ABR: variants seen among roughly 807,000 people sequenced by gnomAD.
ABR encodes the protein ABR activator of RhoGEF and GTPase.
In ABR, 35 loss-of-function variants were observed where a neutral mutation model predicts 107.2. That is an observed-to-expected ratio of 0.33 (90% CI 0.25 to 0.43). The LOEUF (loss-of-function observed/expected upper bound fraction) is 0.43, where lower values mean the gene tolerates loss of function less well. Ranked by LOEUF, ABR falls within the 20% of genes least tolerant of loss-of-function variation. The probability of loss-of-function intolerance (pLI) is 1.00; values close to 1 mark genes in which losing one functional copy is unlikely to be tolerated. For missense variants in ABR, 815 were observed against 1,115.2 expected (o/e 0.73, Z 3.83); for synonymous variants, 498 against 462.0 (o/e 1.08, Z -1.00).
intron 1 of ABR, among the ~76,000 whole-genome samples, chr17:1,143,694 A>T (rs1410178572): frequency 1.3e-5 from 2 of 152,094 alleles, no homozygotes; most frequent in Non-Finnish European, 2.9e-5. Flanking sequence ...AGATCCTTGG[A>T]AGAGGGAGGC....
chr17:1,099,135 G>A (rs1486266097), intron 3 of ABR, among the ~76,000 whole-genome samples: 1 of 150,712 alleles, frequency 6.6e-6, no homozygotes, highest in Non-Finnish European at 1.5e-5. Context: ...GAGTACAGTG[G>A]CGCACTCTCA....
intron 1 of ABR, among the ~76,000 whole-genome samples, chr17:1,172,423 T>C (rs1221293116): frequency 6.6e-6 from 1 of 152,134 alleles, no homozygotes; most frequent in Non-Finnish European, 1.5e-5. Context: ...CAGCGTCATG[T>C]CCCCAACTGA....
At chr17:1,034,510 G>A (rs1167430157) in intron 16 of ABR, among the ~76,000 whole-genome samples, 1 of 152,194 alleles carries the variant, frequency 6.6e-6, no homozygotes, top group Non-Finnish European at 1.5e-5. Context: ...GAACAGGACA[G>A]ACAAAATGCC....
chr17:1,005,162 C>T lies in ABR; in HGVS notation c.*918G>A, dbSNP rs1014145795. The T allele has an allele frequency of 2.5e-6, 1 of 398,792 alleles. No homozygotes were observed. Among genetic ancestry groups the T allele is most frequent in the African/African-American group, 2.1e-5 (1 of 48,760 alleles). The allele number at this position is 398,792 out of a possible 1,614,324, so 24.7% of individuals were successfully genotyped here. A position where few individuals can be genotyped will look rare whatever the true frequency, so the allele number is the denominator to read the frequency against. On this transcript the variant is annotated 3_prime_UTR_variant, in exon 23 of 23. Transcript: ENST00000302538. ...CAGCCTGACCGCCTCCTCCCCCATTCTCTCCTGACCCTCTGGCTATCTCGA... is the reference window on the plus strand; with the variant it reads ...CAGCCTGACCGCCTCCTCCCCCATTTTCTCCTGACCCTCTGGCTATCTCGA...
chr17:1,160,455 A>G (rs1278528538), intron 1 of ABR, among the ~76,000 whole-genome samples: 1 of 152,230 alleles, frequency 6.6e-6, no homozygotes, highest in Admixed American at 6.5e-5. Flanking sequence ...TAACAGCTTC[A>G]TGCAACCAGC....
chr17:1,055,889 G>T lies in ABR; in HGVS notation c.1561+146C>A, dbSNP rs575793968. On this transcript the variant is annotated intron_variant, in intron 14 of 22. Coordinates refer to ENST00000302538, the MANE Select transcript of ABR (RefSeq NM_021962.5). ...GAGGACTTTGGAGACAAAGGCCAGG[G>T]GTGACCTCCCTGCCAAGAGGAGCTG... 5.6e-6 allele frequency: 4 copies of T among 716,178 alleles called. No homozygotes were observed. The East Asian group carries it at 1.1e-4, about 19-fold the overall frequency. The allele number at this position is 716,178 out of a possible 1,614,324, so 44.4% of individuals were successfully genotyped here. A position where few individuals can be genotyped will look rare whatever the true frequency, so the allele number is the denominator to read the frequency against.
chr17:1,142,952 C>G (rs1007774853), intron 1 of ABR, among the ~76,000 whole-genome samples: 5 of 151,204 alleles, frequency 3.3e-5, no homozygotes, highest in African/African-American at 1.2e-4. Flanking sequence ...CAGCTCACTC[C>G]TGGGAGGAAG....
At chr17:1,016,513 A>AC (rs2071176418) in intron 16 of ABR, among the ~76,000 whole-genome samples, 1 of 151,562 alleles carries the variant, frequency 6.6e-6, no homozygotes, top group South Asian at 2.1e-4. Context: ...ATGGGGTTTC[A>AC]CCATGTTGGC....
intron 4 of ABR, among the ~76,000 whole-genome samples, chr17:1,087,874 C>T (rs2036723112): frequency 1.3e-5 from 2 of 152,182 alleles, no homozygotes; most frequent in Non-Finnish European, 1.5e-5. Flanking sequence ...CTGCCGCTGC[C>T]ACAGTCACCC....
At chr17:1,094,619 C>G (rs937538577) in intron 3 of ABR, among the ~76,000 whole-genome samples, 1 of 152,162 alleles carries the variant, frequency 6.6e-6, no homozygotes, top group African/African-American at 2.4e-5. Context: ...GATCCACGTG[C>G]CTCGGCCTCT....
intron 1 of ABR, among the ~76,000 whole-genome samples, chr17:1,169,812 T>G (rs1414115453): frequency 6.6e-6 from 1 of 152,030 alleles, no homozygotes; most frequent in Non-Finnish European, 1.5e-5. Flanking sequence ...GAGGTGGATT[T>G]TAAAAGGCTG....
Position 1,027,900 on chromosome 17 carries a change from C to T in ABR, c.1792-14736G>A, listed in dbSNP as rs181626928. Among the ~76,000 whole-genome samples the T allele has an allele frequency of 1.9e-4, 29 of 152,030 alleles. No homozygotes were observed. Among genetic ancestry groups the T allele is most frequent in the Admixed American group, 2.0e-4 (3 of 15,262 alleles). On this transcript the variant is annotated intron_variant, in intron 16 of 22. Transcript: ENST00000302538. The surrounding 1 kb of genome is among the most constrained non-coding windows in gnomAD (Gnocchi z 4.7). ...AGACTGGATTATAAAATAAAGTAGA[C>T]GAGCCCAAGACATATCTGTATCTTG...
At chr17:1,183,992 C>T (rs1358651833), upstream of ABR, among the ~76,000 whole-genome samples, 4 of 152,102 alleles carry the variant, frequency 2.6e-5, no homozygotes, top group Non-Finnish European at 5.9e-5. Context: ...GGGCAGATAG[C>T]CTGAGTCTGG....
chr17:1,155,229 C>T (rs998886502), intron 1 of ABR, among the ~76,000 whole-genome samples: 6 of 152,090 alleles, frequency 3.9e-5, no homozygotes, highest in African/African-American at 1.2e-4. Context: ...CACGGAGTCA[C>T]GTTGAGTGAG....
At chr17:1,106,194 C>CT (rs954622066) in intron 2 of ABR, among the ~76,000 whole-genome samples, 1 of 151,928 alleles carries the variant, frequency 6.6e-6, no homozygotes, top group African/African-American at 2.4e-5. Flanking sequence ...ACCTCTGCCC[C>CT]CCAGGAAGAT....
chr17:1,048,097 C>G (rs1464487080), intron 16 of ABR, among the ~76,000 whole-genome samples: 2 of 152,148 alleles, frequency 1.3e-5, no homozygotes, highest in Non-Finnish European at 2.9e-5. Context: ...AGCCCAGGGA[C>G]AGGGAGATGG....
At chr17:1,113,202 G>A (rs540795738) in intron 2 of ABR, among the ~76,000 whole-genome samples, 4 of 152,238 alleles carry the variant, frequency 2.6e-5, no homozygotes, top group African/African-American at 9.6e-5. Context: ...GCCGTACTGG[G>A]GAGGGGAGCA....
chr17:1,191,755 G>T (rs998701742), upstream of ABR, among the ~76,000 whole-genome samples: 2 of 152,146 alleles, frequency 1.3e-5, no homozygotes, highest in Non-Finnish European at 2.9e-5. Context: ...ACATAGAAAC[G>T]AGGCAGCAAA....
At chr17:1,218,628 TA>T (rs2043057605) in intron 1 of ABR, among the ~76,000 whole-genome samples, 2 of 152,178 alleles carry the variant, frequency 1.3e-5, no homozygotes, top group East Asian at 3.9e-4. Context: ...ACATACTGAT[TA>T]AAGTATGTGT....
Sources: gnomAD v4.1 joint callset for allele counts (sites outside exome capture counted in the v4.1 genomes callset) on GRCh38, gnomAD v4.1.1 for gene constraint, Gnocchi (gnomAD v3.1) non-coding constraint, MANE v1.5 for transcripts, NCBI Gene and HGNC (gene_info 2026-07-23, HGNC 2026-07-21) for gene names.